The following ZNF701 variants were observed in gnomAD, a reference collection of about 807,000 sequenced individuals.
The protein encoded by ZNF701 is zinc finger protein 701.
A neutral mutation model predicts 7.1 loss-of-function variants in ZNF701; 6 were observed. The ratio of observed to expected loss-of-function variants is 0.84; its 90% CI spans 0.46 to 1.66. The LOEUF (loss-of-function observed/expected upper bound fraction) is 1.66. ZNF701 is among the 40% of genes most tolerant of loss of function. ZNF701 has a pLI of 0.01. For missense variants in ZNF701, 541 were observed against 559.2 expected (o/e 0.97, Z 0.33); for synonymous variants, 166 against 188.2 (o/e 0.88, Z 0.97).
intron 1 of ZNF701, among the ~76,000 whole-genome samples, chr19:52,571,217 G>A (rs1460919539): frequency 6.7e-6 from 1 of 149,298 alleles, no homozygotes; most frequent in Non-Finnish European, 1.5e-5. Context: ...GCAGCAAAGA[G>A]GGAGGCTCAT....
chr19:52,595,277 C>CTT, the ZNF701 span, among the ~76,000 whole-genome samples: 33,015 of 147,610 alleles, frequency 0.22, 3,687 homozygotes, highest in South Asian at 0.3. Context: ...ACCATCTGTA[C>CTT]TTTTTTTTTT....
the ZNF701 span, among the ~76,000 whole-genome samples, chr19:52,599,060 C>A: frequency 2.0e-5 from 3 of 150,250 alleles, no homozygotes; most frequent in Non-Finnish European, 4.4e-5. Flanking sequence ...CAGAGTTTTT[C>A]TCTTGTTACC....
chr19:52,577,711 C>T lies in ZNF701; in HGVS notation c.142+1690C>T, dbSNP rs762255685. Among the ~76,000 whole-genome samples, 37 of 152,044 alleles carry T rather than the reference C, an allele frequency of 2.4e-4. No individual in the cohort carries two copies. In the South Asian group the frequency reaches 4.6e-3, roughly 19 times the overall value. ...GGAAGGCACCCGTTACTTAGCAGACCGCGAAAGGGGGTCTCCTTTCCTTGG... is the reference window on the plus strand; with the variant it reads ...GGAAGGCACCCGTTACTTAGCAGACTGCGAAAGGGGGTCTCCTTTCCTTGG... On this transcript the variant is annotated intron_variant, in intron 3 of 3. Transcript: ENST00000391785.
downstream of ZNF701, among the ~76,000 whole-genome samples, chr19:52,591,523 C>T (rs985615015): frequency 1.3e-5 from 2 of 152,150 alleles, no homozygotes; most frequent in African/African-American, 4.8e-5. Flanking sequence ...GAGTCTAACT[C>T]TGCAGCCCAA....
At chr19:52,577,845 T>C (rs369265299) in intron 3 of ZNF701, among the ~76,000 whole-genome samples, 2 of 152,266 alleles carry the variant, frequency 1.3e-5, no homozygotes, top group African/African-American at 4.8e-5. Context: ...GGTGCTGTGC[T>C]TCAATGGTCA....
intron 2 of ZNF701, 144 bp downstream of exon 2, chr19:52,574,306 A>G (rs534050188): frequency 1.4e-6 from 2 of 1,393,900 alleles, no homozygotes; most frequent in African/African-American, 1.4e-5. Flanking sequence ...AGTCCCTGTC[A>G]TCTCACTTAG....
chr19:52,577,334 A>G (rs2059941402), intron 3 of ZNF701, among the ~76,000 whole-genome samples: 3 of 152,116 alleles, frequency 2.0e-5, no homozygotes, highest in Admixed American at 2.0e-4. Context: ...TCCTGATCTC[A>G]AGTGATCCAC....
chr19:52,580,702 T>C (rs887813560), intron 3 of ZNF701, among the ~76,000 whole-genome samples: 1 of 152,242 alleles, frequency 6.6e-6, no homozygotes, highest in African/African-American at 2.4e-5. Context: ...CATGTACTTA[T>C]TATTTTCTGG....
At chr19:52,591,383 G>T (rs1312275270), downstream of ZNF701, among the ~76,000 whole-genome samples, 12 of 152,032 alleles carry the variant, frequency 7.9e-5, no homozygotes, top group Non-Finnish European at 1.5e-4. Flanking sequence ...TTTTCACCAT[G>T]TTGGCCAGGT....
At chr19:52,598,589 G>C in the ZNF701 span, 1 of 152,168 alleles carries the variant, frequency 6.6e-6, no homozygotes, top group Non-Finnish European at 1.5e-5. Context: ...ACTCCCAGGA[G>C]TGGAGGATAA....
At chr19:52,581,437 C>A (rs57910852) in intron 3 of ZNF701, among the ~76,000 whole-genome samples, 1,902 of 152,056 alleles carry the variant, frequency 0.013, 40 homozygotes, top group African/African-American at 0.043. Flanking sequence ...CCAGGCTGGT[C>A]TCGAACTCCT....
chr19:52,588,257 G>A (rs2060022993), downstream of ZNF701, among the ~76,000 whole-genome samples: 1 of 151,324 alleles, frequency 6.6e-6, no homozygotes, highest in Admixed American at 6.6e-5. Flanking sequence ...GGAGGGTTGG[G>A]TGGGCAGATC....
intron 1 of ZNF701, among the ~76,000 whole-genome samples, chr19:52,571,949 T>A (rs948453906): frequency 4.6e-5 from 7 of 151,942 alleles, no homozygotes; most frequent in Admixed American, 2.0e-4. Context: ...TCAGCCTCCC[T>A]AGTAGCTGGG....
the ZNF701 span, chr19:52,598,098 C>G: frequency 6.6e-6 from 1 of 152,178 alleles, no homozygotes; most frequent in Non-Finnish European, 1.5e-5. Context: ...GCGCCCGCCA[C>G]CATGCCTGGC....
chr19:52,592,544 G>A, the ZNF701 span, among the ~76,000 whole-genome samples: 1 of 152,234 alleles, frequency 6.6e-6, no homozygotes, highest in Non-Finnish European at 1.5e-5. Flanking sequence ...GAGATAGAAA[G>A]CATCACACTG....
chr19:52,591,680 C>T (rs540260151), downstream of ZNF701, among the ~76,000 whole-genome samples: 51 of 152,204 alleles, frequency 3.4e-4, no homozygotes, highest in South Asian at 0.01. Flanking sequence ...CCTCAGCCTT[C>T]AAGTAGCTGG....
chr19:52,577,811 C>T (rs1274485292), intron 3 of ZNF701, among the ~76,000 whole-genome samples: 1 of 152,138 alleles, frequency 6.6e-6, no homozygotes, highest in Non-Finnish European at 1.5e-5. Context: ...CCGCAGTCAT[C>T]CGGAGGCCTA....
chr19:52,579,192 A>T (rs936908464), intron 3 of ZNF701, among the ~76,000 whole-genome samples: 2 of 143,474 alleles, frequency 1.4e-5, no homozygotes, highest in South Asian at 2.1e-4. Flanking sequence ...TCTAGAGGAG[A>T]AGTAGTTTTG....
At chr19:52,592,215 C>G in the ZNF701 span, 2 of 1,578,262 alleles carry the variant, frequency 1.3e-6, no homozygotes, top group Admixed American at 3.4e-5. Context: ...ACTACAGGAA[C>G]CTGGAGTTTG....
Sources: gnomAD v4.1 joint callset for allele counts (sites outside exome capture counted in the v4.1 genomes callset) on GRCh38, gnomAD v4.1.1 for gene constraint, MANE v1.5 for transcripts, NCBI Gene and HGNC (gene_info 2026-07-23, HGNC 2026-07-21) for gene names.